LRRK1: variants seen among roughly 807,000 people sequenced by gnomAD.
LRRK1 encodes leucine rich repeat kinase 1.
In LRRK1, 113 loss-of-function variants were observed where a neutral mutation model predicts 209.1. That is an observed-to-expected ratio of 0.54 (90% CI 0.46 to 0.63). The LOEUF is 0.63. Ranked by LOEUF, LRRK1 falls within the 30% of genes least tolerant of loss-of-function variation. The pLI, the probability that LRRK1 is intolerant of heterozygous loss-of-function variation, is 0.00. For synonymous variants in LRRK1, 1,144 were observed against 1,099.7 expected, an observed-to-expected ratio of 1.04 and a Z score of -0.80; for missense variants, 2,284 against 2,632.2, an observed-to-expected ratio of 0.87 and a Z score of 2.89.
intron 2 of LRRK1, among the ~76,000 whole-genome samples, chr15:100,962,821 A>ATTTTTTT (rs1430253898): frequency 1.4e-4 from 2 of 14,698 alleles, no homozygotes; most frequent in African/African-American, 4.3e-4. Flanking sequence ...ATATATATAT[A>ATTTTTTT]TATTTTTTTT....
At chr15:100,978,783 C>G (rs550274404) in intron 3 of LRRK1, among the ~76,000 whole-genome samples, 1 of 152,240 alleles carries the variant, frequency 6.6e-6, no homozygotes, top group Non-Finnish European at 1.5e-5. Context: ...AATAAATTTA[C>G]AGGTTCAGAT....
chr15:101,027,807 G>A lies in LRRK1; in HGVS notation c.2686+10G>A, dbSNP rs2034110734. The A allele has an allele frequency of 6.4e-7, 1 of 1,563,566 alleles. No homozygotes were observed. Among genetic ancestry groups the A allele is most frequent in the East Asian group, 2.4e-5 (1 of 42,546 alleles). ...GAGGACCTGCAGTCAGGTGGGTGGG[G>A]CTGGGGTAGGTGGCAGGGTGCCCGT... is the stretch of plus-strand genomic sequence containing the variant. On this transcript the variant is annotated intron_variant, in intron 19 of 33. Coordinates refer to ENST00000388948, the MANE Select transcript of LRRK1 (RefSeq NM_024652.6). This position sits in a 1 kb window ranked among gnomAD's most constrained non-coding sequence, Gnocchi z 5.1.
intron 2 of LRRK1, among the ~76,000 whole-genome samples, chr15:100,966,178 C>G (rs1340884272): frequency 6.6e-6 from 1 of 152,076 alleles, no homozygotes; most frequent in Non-Finnish European, 1.5e-5. Flanking sequence ...TTCTCAAATA[C>G]AAAACAATAG....
At position 101,065,710 on chromosome 15, in the gene LRRK1, C is replaced by G; in HGVS notation, c.5273C>G (p.Ala1758Gly). Reference sequence around the variant, plus strand: ...GTCGTCTGGTGCCTGGATGACAAGGCCAACTCCTTGGTGATGTACCACTCC... The same window carrying G: ...GTCGTCTGGTGCCTGGATGACAAGGGCAACTCCTTGGTGATGTACCACTCC... ...EEVVWCLDDK[A>G]NSLVMYHSTT... Residue 1758 changes from alanine to glycine, a missense_variant, in exon 32 of 34, where the codon GCC becomes GGC. By Grantham distance (60) the Ala-to-Gly change is moderately conservative (BLOSUM62 0). Transcript: ENST00000388948. The G allele has an allele frequency of 1.2e-6, 2 of 1,614,136 alleles. No individual in the cohort carries two copies. Among genetic ancestry groups the G allele is most frequent in the South Asian group, 1.1e-5 (1 of 91,088 alleles).
At chr15:101,020,164 A>C (rs2033711580) in intron 12 of LRRK1, among the ~76,000 whole-genome samples, 1 of 152,184 alleles carries the variant, frequency 6.6e-6, no homozygotes, top group East Asian at 1.9e-4. Context: ...TCCTCTAGTA[A>C]TTCCTTTCCC....
At chr15:100,998,158 C>T (rs1252234759) in intron 6 of LRRK1, among the ~76,000 whole-genome samples, 10 of 145,322 alleles carry the variant, frequency 6.9e-5, no homozygotes, top group South Asian at 2.2e-4. Flanking sequence ...TCAGCCTGGA[C>T]GACAGAACAA....
At chr15:101,029,682 A>G (rs2141105496) in intron 20 of LRRK1, among the ~76,000 whole-genome samples, 1 of 152,246 alleles carries the variant, frequency 6.6e-6, no homozygotes, top group East Asian at 1.9e-4. Flanking sequence ...AGCTTGACCA[A>G]CATGGTGAAA....
intron 30 of LRRK1, among the ~76,000 whole-genome samples, 169 bp downstream of exon 30, chr15:101,061,457 G>A (rs2036175669): frequency 6.6e-6 from 1 of 152,244 alleles, no homozygotes; most frequent in Non-Finnish European, 1.5e-5. Context: ...GCCCCGAGAA[G>A]TAGCAGCCTG....
At chr15:100,972,459 AATGTT>A (rs1355481356) in intron 2 of LRRK1, among the ~76,000 whole-genome samples, 2 of 149,812 alleles carry the variant, frequency 1.3e-5, no homozygotes, top group Admixed American at 6.7e-5. Context: ...AAAAAGGAGA[AATGTT>A]ATGTGTGTTT....
intron 28 of LRRK1, among the ~76,000 whole-genome samples, chr15:101,057,408 T>C (rs1239931371): frequency 6.6e-6 from 1 of 152,200 alleles, no homozygotes; most frequent in African/African-American, 2.4e-5. Context: ...GAATCAGGGA[T>C]CATATTACAG....
rs757416515 is a variant in LRRK1, at chr15:100,924,615, C to A, written c.-18C>A. 1.9e-6 allele frequency: 3 copies of A among 1,612,534 alleles called. No homozygotes were observed. Among genetic ancestry groups the A allele is most frequent in the Middle Eastern group, 1.7e-4 (1 of 5,892 alleles). On this transcript the variant is annotated 5_prime_UTR_variant, in exon 2 of 34. Coordinates refer to ENST00000388948, the MANE Select transcript of LRRK1 (RefSeq NM_024652.6). ...AACAGCGGGACCTGCCTTTGAAGATCGGCTGCTGCAAGGGTTGATGGCTGG... is the reference window on the plus strand; with the variant it reads ...AACAGCGGGACCTGCCTTTGAAGATAGGCTGCTGCAAGGGTTGATGGCTGG...
At position 101,066,643 on chromosome 15, in the gene LRRK1, C is replaced by T. The variant is rs41334650; in HGVS notation, c.5772C>T (p.Arg1924=). ...CTTCTGGGTTTTGGTTGCTTAGGCG[C>T]GGTGGAGATGTTATCGTCATTGGCC... The part of the protein sequence containing the change: ...AVRDLIWVPR[R]GGDVIVIGLE... Residue 1924 remains arginine (R), a synonymous_variant, in exon 33 of 34, where the codon CGC becomes CGT. Transcript: ENST00000388948. 472 of 1,614,062 alleles carry T rather than the reference C, an allele frequency of 2.9e-4. 1 individual carries two copies. In the East Asian group the frequency reaches 9.7e-3, roughly 33 times the overall value.
chr15:100,994,529 A>T (rs904307648), intron 6 of LRRK1, among the ~76,000 whole-genome samples: 1 of 152,226 alleles, frequency 6.6e-6, no homozygotes, highest in African/African-American at 2.4e-5. Context: ...CTTTTCTGTG[A>T]GGCAACTCTT....
intron 1 of LRRK1, among the ~76,000 whole-genome samples, chr15:100,924,050 C>A (rs1431094095): frequency 9.2e-5 from 14 of 152,242 alleles, no homozygotes. Context: ...GTGCTCACCT[C>A]TGGCTTCCAG....
chr15:101,044,752 C>A (rs1387506877), intron 20 of LRRK1, among the ~76,000 whole-genome samples: 2 of 152,226 alleles, frequency 1.3e-5, no homozygotes, highest in Non-Finnish European at 2.9e-5. Flanking sequence ...GGCACCACCA[C>A]TGTAAGAGGG....
Position 101,066,065 on chromosome 15 carries a change from G to A in LRRK1, c.5628G>A (p.Glu1876=), listed in dbSNP as rs2036514407. ...GTGTGCCTTTCTCCACCGACTGCGA[G>A]GACTCAGACATGCTACATACGCCCG... The part of the protein sequence containing the change: ...SSSVPFSTDC[E]DSDMLHTPGA... The change falls in exon 32 of 34, where the codon GAG becomes GAA. Residue 1876 remains glutamate, a synonymous_variant. Coordinates refer to ENST00000388948, the MANE Select transcript of LRRK1 (RefSeq NM_024652.6). 5.0e-6 allele frequency: 8 copies of A among 1,614,040 alleles called. No homozygotes were observed. Among genetic ancestry groups the A allele is most frequent in the African/African-American group, 1.3e-5 (1 of 74,930 alleles).
At chr15:100,943,385 A>C (rs1567192405) in intron 2 of LRRK1, among the ~76,000 whole-genome samples, 1 of 152,190 alleles carries the variant, frequency 6.6e-6, no homozygotes, top group Non-Finnish European at 1.5e-5. Flanking sequence ...AAATGAATTA[A>C]CCTAAGTGTT....
chr15:101,060,829 C>T (rs1344340656), intron 29 of LRRK1, among the ~76,000 whole-genome samples: 4 of 152,240 alleles, frequency 2.6e-5, no homozygotes, highest in Non-Finnish European at 5.9e-5. Context: ...TGTCTTTAGC[C>T]CTGGCTTTGT....
chr15:101,010,756 T>C lies in LRRK1; in HGVS notation c.1200T>C (p.Leu400=), dbSNP rs1275635773. 6.2e-7 allele frequency: 1 copy of C among 1,613,912 alleles called. No homozygotes were observed. ...TGACAGAACTCCCTGCCCTGTTCCT[T>C]CACTCTTTCAAGTCCCTCAATTCTC... ...NKLTELPALF[L]HSFKSLNSLN... is the part of the protein sequence containing the mutation. The change falls in exon 9 of 34, where the codon CTT becomes CTC. Residue 400 remains leucine, a synonymous_variant. Coordinates refer to ENST00000388948, the MANE Select transcript of LRRK1 (RefSeq NM_024652.6).
Sources: allele counts gnomAD v4.1 joint callset (sites outside exome capture counted in the v4.1 genomes callset), GRCh38; gene constraint gnomAD v4.1.1; non-coding constraint Gnocchi (gnomAD v3.1); transcripts MANE v1.5; gene names NCBI Gene and HGNC (gene_info 2026-07-23, HGNC 2026-07-21).